Variants in THSD4 observed in about 807,000 individuals in gnomAD.
THSD4 encodes thrombospondin type 1 domain containing 4, also known as thrombospondin type-1 domain-containing protein 4.
In THSD4, 69 loss-of-function variants were observed where a neutral mutation model predicts 119.0. The ratio of observed to expected loss-of-function variants is 0.58; its 90% CI spans 0.48 to 0.71. THSD4 has a LOEUF of 0.71. THSD4 is among the 30% of genes least tolerant of loss of function. The pLI is 0.00. For missense variants in THSD4, 1,393 were observed against 1,391.1 expected, an observed-to-expected ratio of 1.00 and a Z score of -0.02; for synonymous variants, 524 against 540.4, an observed-to-expected ratio of 0.97 and a Z score of 0.42.
At chr15:71,223,863 GTGGAAAAGA>G in intron 4 of THSD4, among the ~76,000 whole-genome samples, 1 of 152,308 alleles carries the variant, frequency 6.6e-6, no homozygotes, top group African/African-American at 2.4e-5. Flanking sequence ...CATTTTTTAG[GTGGAAAAGA>G]TGGGAAAGAG....
chr15:71,531,588 A>G (rs2048610794), intron 7 of THSD4, among the ~76,000 whole-genome samples: 1 of 152,220 alleles, frequency 6.6e-6, no homozygotes, highest in Non-Finnish European at 1.5e-5. Context: ...TCATGTGATC[A>G]TGAGCAAGTC....
chr15:71,746,941 G>A lies in THSD4; in HGVS notation c.2140G>A (p.Val714Met). The A allele has an allele frequency of 6.2e-7, 1 of 1,613,840 alleles. No individual in the cohort carries two copies. Among genetic ancestry groups the A allele is most frequent in the Non-Finnish European group, 8.5e-7 (1 of 1,180,028 alleles). Reference sequence around the variant, plus strand: ...GGTGTACGCCAACCGCAGCCTGACGGTGCAGCCCTACCGCTGCCAGCACCT... The same window carrying A: ...GGTGTACGCCAACCGCAGCCTGACGATGCAGCCCTACCGCTGCCAGCACCT... ...RQVYANRSLT[V>M]QPYRCQHLEK... Residue 714 changes from valine to methionine, a missense_variant, in exon 13 of 18, where the codon GTG (valine) becomes ATG (methionine). Coordinates refer to ENST00000261862, the MANE Select transcript of THSD4 (RefSeq NM_024817.3).
At chr15:71,642,274 G>T (rs1230335415) in intron 7 of THSD4, among the ~76,000 whole-genome samples, 1 of 152,094 alleles carries the variant, frequency 6.6e-6, no homozygotes, top group Non-Finnish European at 1.5e-5. Context: ...CTTTTAGAAT[G>T]GCAATCATTA....
chr15:71,250,503 G>C lies in THSD4; in HGVS notation c.913-6110G>C, dbSNP rs201269418. 1.3e-4 allele frequency among the ~76,000 whole-genome samples: 20 copies of C among 152,124 alleles called. No homozygotes were observed. The East Asian group carries it at 3.5e-3, about 26-fold the overall frequency. ...GCTCAGCTTATTTTTATTTTTTGTA[G>C]AGATGGGTTCTTGCTATGTTGCCCA... On this transcript the variant is annotated intron_variant, in intron 5 of 17. Transcript: ENST00000261862.
At chr15:71,387,707 TTGATTG>T (rs1411060754) in intron 6 of THSD4, among the ~76,000 whole-genome samples, 1 of 152,204 alleles carries the variant, frequency 6.6e-6, no homozygotes, top group Non-Finnish European at 1.5e-5. Flanking sequence ...ATCTTTCTTG[TTGATTG>T]TAAGTATATA....
At chr15:71,675,249 T>C (rs900505354) in intron 8 of THSD4, among the ~76,000 whole-genome samples, 8 of 152,134 alleles carry the variant, frequency 5.3e-5, no homozygotes, top group Admixed American at 5.2e-4. Flanking sequence ...TCTTAATACA[T>C]GGCAGAAGAA....
At chr15:71,676,212 T>G (rs867482345) in intron 8 of THSD4, among the ~76,000 whole-genome samples, 1 of 152,342 alleles carries the variant, frequency 6.6e-6, no homozygotes. Flanking sequence ...ACATAACATT[T>G]ATCATTTTAA....
At chr15:71,421,570 C>A (rs538402683) in intron 7 of THSD4, among the ~76,000 whole-genome samples, 1 of 152,228 alleles carries the variant, frequency 6.6e-6, no homozygotes, top group South Asian at 2.1e-4. Flanking sequence ...TTATTTATTT[C>A]TTTTCTCTTG....
intron 7 of THSD4, among the ~76,000 whole-genome samples, chr15:71,445,977 T>C (rs987001511): frequency 6.6e-6 from 1 of 152,236 alleles, no homozygotes; most frequent in Non-Finnish European, 1.5e-5. Context: ...TCTGCCTAAT[T>C]GTCTAACAGG....
intron 3 of THSD4, chr15:71,184,063 C>T (rs1036453540): frequency 6.6e-5 from 10 of 151,862 alleles, no homozygotes; most frequent in Non-Finnish European, 1.3e-4. Context: ...TTCTCTTTTC[C>T]CTGGGCTTGT....
At chr15:71,589,839 G>T (rs1387636783) in intron 7 of THSD4, among the ~76,000 whole-genome samples, 1 of 138,976 alleles carries the variant, frequency 7.2e-6, no homozygotes, top group African/African-American at 2.5e-5. Flanking sequence ...ATAAGTTGTG[G>T]CTATGCATGT....
At chr15:71,571,037 C>G (rs983232717) in intron 7 of THSD4, among the ~76,000 whole-genome samples, 1 of 152,190 alleles carries the variant, frequency 6.6e-6, no homozygotes, top group Non-Finnish European at 1.5e-5. Context: ...GAATTAAAGG[C>G]TGTGAGACGT....
intron 7 of THSD4, among the ~76,000 whole-genome samples, chr15:71,654,535 C>T (rs2051152231): frequency 6.6e-6 from 1 of 152,124 alleles, no homozygotes; most frequent in Non-Finnish European, 1.5e-5. Context: ...GAAGAATTTA[C>T]TGGATCAAAC....
At chr15:71,607,371 T>C (rs933172944) in intron 7 of THSD4, among the ~76,000 whole-genome samples, 5 of 152,158 alleles carry the variant, frequency 3.3e-5, no homozygotes, top group African/African-American at 1.2e-4. Context: ...GAGGTGACCA[T>C]GGTAAGTTAA....
chr15:71,200,148 T>C (rs2043790468), intron 3 of THSD4, among the ~76,000 whole-genome samples: 1 of 152,102 alleles, frequency 6.6e-6, no homozygotes, highest in South Asian at 2.1e-4. Context: ...GCAGCATGCT[T>C]CCCTTTCATT....
chr15:71,331,891 T>G (rs945425668), intron 6 of THSD4, among the ~76,000 whole-genome samples: 2 of 135,324 alleles, frequency 1.5e-5, no homozygotes, highest in African/African-American at 5.5e-5. Context: ...AATACAGACA[T>G]GATAAAATTC....
intron 16 of THSD4, chr15:71,766,881 G>A (rs940187256): frequency 1.3e-5 from 2 of 152,070 alleles, no homozygotes; most frequent in Non-Finnish European, 1.5e-5. Context: ...AAAAAGCCAG[G>A]TTCAAAAAAC....
At chr15:71,612,014 G>A (rs1261450174) in intron 7 of THSD4, among the ~76,000 whole-genome samples, 1 of 152,198 alleles carries the variant, frequency 6.6e-6, no homozygotes, top group South Asian at 2.1e-4. Flanking sequence ...TAAATCAGTT[G>A]AGTATTGTGT....
intron 11 of THSD4, among the ~76,000 whole-genome samples, chr15:71,743,515 C>G (rs994622101): frequency 6.6e-6 from 1 of 152,170 alleles, no homozygotes; most frequent in African/African-American, 2.4e-5. Flanking sequence ...AATTAAAAAT[C>G]TGTTCTATTT....
Sources: gnomAD v4.1 joint callset for allele counts (sites outside exome capture counted in the v4.1 genomes callset) on GRCh38, gnomAD v4.1.1 for gene constraint, MANE v1.5 for transcripts, NCBI Gene and HGNC (gene_info 2026-07-23, HGNC 2026-07-21) for gene names.